Variants in LOC400499 observed in about 807,000 individuals in gnomAD.
At chr16:11,512,067 T>C in the LOC400499 span, among the ~76,000 whole-genome samples, 4 of 151,556 alleles carry the variant, frequency 2.6e-5, no homozygotes, top group Admixed American at 2.6e-4. Flanking sequence ...GGTGGGCGGA[T>C]CACCTGAAGT....
chr16:11,393,156 C>T, the LOC400499 span, among the ~76,000 whole-genome samples: 1 of 20,686 alleles, frequency 4.8e-5, no homozygotes, highest in Non-Finnish European at 2.2e-4. Context: ...GCCTGGCCAC[C>T]CCCCCCCCTT....
At chr16:11,373,329 G>A in the LOC400499 span, among the ~76,000 whole-genome samples, 1 of 152,166 alleles carries the variant, frequency 6.6e-6, no homozygotes, top group African/African-American at 2.4e-5. Flanking sequence ...CATCTGCTAC[G>A]AGAACTGTTT....
the LOC400499 span, among the ~76,000 whole-genome samples, chr16:11,494,421 G>T: frequency 7.0e-4 from 107 of 151,824 alleles, no homozygotes; most frequent in Middle Eastern, 6.8e-3. Context: ...GGAGGGTGAG[G>T]AGACGGGTTG....
At chr16:11,400,289 T>A in the LOC400499 span, among the ~76,000 whole-genome samples, 1 of 151,966 alleles carries the variant, frequency 6.6e-6, no homozygotes, top group Non-Finnish European at 1.5e-5. Context: ...TGCACGGGCT[T>A]TTCCTGTTGC....
the LOC400499 span, among the ~76,000 whole-genome samples, chr16:11,456,374 G>C: frequency 2.4e-4 from 36 of 151,776 alleles, no homozygotes; most frequent in African/African-American, 8.2e-4. Flanking sequence ...AAAAGTGACA[G>C]ACAGTGTTTT....
chr16:11,426,622 T>C, the LOC400499 span, among the ~76,000 whole-genome samples: 1 of 151,128 alleles, frequency 6.6e-6, no homozygotes, highest in South Asian at 2.1e-4. Flanking sequence ...AAAAAAAACC[T>C]AAATGGCATA....
At chr16:11,393,512 G>T in the LOC400499 span, 1 of 1,232,330 alleles carries the variant, frequency 8.1e-7, no homozygotes, top group Non-Finnish European at 1.0e-6. Context: ...AAGTCGAGGT[G>T]GAGACACGGC....
the LOC400499 span, chr16:11,440,945 G>A: frequency 2.5e-6 from 1 of 399,108 alleles, no homozygotes; most frequent in Non-Finnish European, 4.4e-6. Context: ...ATACCTGGTA[G>A]GAATGGGCCA....
chr16:11,524,439 G>A, the LOC400499 span, among the ~76,000 whole-genome samples: 26 of 143,322 alleles, frequency 1.8e-4, no homozygotes, highest in African/African-American at 6.5e-4. Flanking sequence ...TGGAGCCTTA[G>A]GATTTGAACC....
At chr16:11,411,109 G>T in the LOC400499 span, 1 of 397,050 alleles carries the variant, frequency 2.5e-6, no homozygotes, top group Non-Finnish European at 4.4e-6. Flanking sequence ...GGTTTCCGAG[G>T]GTTGCCCACC....
At chr16:11,456,883 G>A in the LOC400499 span, 15 of 1,536,118 alleles carry the variant, frequency 9.8e-6, no homozygotes, top group South Asian at 2.4e-5. Flanking sequence ...AGGGTGGCCC[G>A]AGATGTGTCC....
the LOC400499 span, among the ~76,000 whole-genome samples, chr16:11,451,643 G>C: frequency 1.3e-5 from 2 of 152,118 alleles, no homozygotes. Flanking sequence ...AATAAAGAAG[G>C]AATTTGATAA....
the LOC400499 span, chr16:11,467,003 A>C: frequency 6.6e-6 from 1 of 152,286 alleles, no homozygotes; most frequent in Non-Finnish European, 1.5e-5. Flanking sequence ...CCCAAACTGG[A>C]GTGCAGTAGT....
the LOC400499 span, among the ~76,000 whole-genome samples, chr16:11,466,108 C>T: frequency 6.6e-6 from 1 of 152,070 alleles, no homozygotes. Context: ...CAGCAATTTG[C>T]GCTACACAGG....
the LOC400499 span, among the ~76,000 whole-genome samples, chr16:11,382,302 AT>A: frequency 2.8e-4 from 42 of 152,196 alleles, no homozygotes; most frequent in African/African-American, 1.0e-3. Flanking sequence ...CAATTCATTA[AT>A]TTTCTCTTCT....
At chr16:11,504,909 C>G in the LOC400499 span, among the ~76,000 whole-genome samples, 1 of 151,858 alleles carries the variant, frequency 6.6e-6, no homozygotes, top group South Asian at 2.1e-4. Flanking sequence ...GGCGAAAGAG[C>G]AAGACCCTGT....
At chr16:11,418,648 C>T in the LOC400499 span, among the ~76,000 whole-genome samples, 2 of 152,220 alleles carry the variant, frequency 1.3e-5, no homozygotes, top group Admixed American at 1.3e-4. Flanking sequence ...TCCAAGAACC[C>T]TCCCTTGCGG....
At chr16:11,410,873 C>G in the LOC400499 span, among the ~76,000 whole-genome samples, 1 of 152,246 alleles carries the variant, frequency 6.6e-6, no homozygotes. Context: ...CCCTCAAGTC[C>G]TGCATGCAGG....
chr16:11,439,411 T>G, the LOC400499 span: 1 of 398,090 alleles, frequency 2.5e-6, no homozygotes, highest in Non-Finnish European at 4.4e-6. Context: ...TTTCTGCCCA[T>G]CTCCCAGCAG....
Sources: gnomAD v4.1 joint callset for allele counts (sites outside exome capture counted in the v4.1 genomes callset) on GRCh38, gnomAD v4.1.1 for gene constraint, MANE v1.5 for transcripts.